Variants in CAMK2D observed in about 807,000 individuals in gnomAD.
CAMK2D encodes calcium/calmodulin dependent protein kinase II delta, also known as calcium/calmodulin-dependent protein kinase type II subunit delta.
A neutral mutation model predicts 84.0 loss-of-function variants in CAMK2D; 37 were observed. That is an observed-to-expected ratio of 0.44 (90% CI 0.34 to 0.58). The LOEUF (loss-of-function observed/expected upper bound fraction) is 0.58, where lower values mean the gene tolerates loss of function less well. CAMK2D is among the 20% of genes least tolerant of loss of function. The probability of loss-of-function intolerance (pLI) is 0.02; values close to 1 mark genes in which losing one functional copy is unlikely to be tolerated. For synonymous variants in CAMK2D, 202 were observed against 212.5 expected, an observed-to-expected ratio of 0.95 and a Z score of 0.43; for missense variants, 448 against 652.5, an observed-to-expected ratio of 0.69 and a Z score of 3.41.
intron 3 of CAMK2D, among the ~76,000 whole-genome samples, chr4:113,624,520 T>C (rs1304471723): frequency 6.6e-6 from 1 of 152,230 alleles, no homozygotes; most frequent in African/African-American, 2.4e-5. Context: ...ACTTTATATA[T>C]ATTAAGTAAC....
intron 17 of CAMK2D, 147 bp downstream of exon 17, chr4:113,465,382 G>A: frequency 1.7e-6 from 1 of 574,316 alleles, no homozygotes; most frequent in Non-Finnish European, 3.0e-6. Context: ...TCTCCTAGGG[G>A]CACTTAGTCA....
intron 8 of CAMK2D, among the ~76,000 whole-genome samples, chr4:113,530,758 T>G (rs2098452635): frequency 6.6e-6 from 1 of 152,144 alleles, no homozygotes; most frequent in Non-Finnish European, 1.5e-5. Flanking sequence ...GGCACCTTGA[T>G]TTTGAATTTC....
At chr4:113,504,281 C>G (rs1421040764) in intron 14 of CAMK2D, among the ~76,000 whole-genome samples, 1 of 152,178 alleles carries the variant, frequency 6.6e-6, no homozygotes, top group African/African-American at 2.4e-5. Flanking sequence ...AATACCATCT[C>G]AAAGTGTTAG....
intron 3 of CAMK2D, among the ~76,000 whole-genome samples, chr4:113,630,883 C>T (rs2099087007): frequency 6.6e-6 from 1 of 152,148 alleles, no homozygotes; most frequent in Admixed American, 6.6e-5. Context: ...TAAGACATAA[C>T]TCAGAGTGTT....
chr4:113,652,294 T>C (rs1439297622), intron 3 of CAMK2D, among the ~76,000 whole-genome samples: 3 of 152,322 alleles, frequency 2.0e-5, no homozygotes, highest in South Asian at 4.1e-4. Flanking sequence ...AACTAATGCA[T>C]GGAAAACACT....
chr4:113,716,649 CAAAAAAA>C (rs397750449), intron 2 of CAMK2D, among the ~76,000 whole-genome samples: 2 of 76,156 alleles, frequency 2.6e-5, no homozygotes, highest in East Asian at 4.1e-4. Flanking sequence ...AGACTCCATC[CAAAAAAA>C]AAAAAAAAAA....
chr4:113,634,042 TAA>T (rs923903249), intron 3 of CAMK2D, among the ~76,000 whole-genome samples: 1 of 152,236 alleles, frequency 6.6e-6, no homozygotes, highest in African/African-American at 2.4e-5. Flanking sequence ...CCTTTGCTTT[TAA>T]AAGACTTTTG....
rs138111061 is a variant in CAMK2D at position 113,582,534 on chromosome 4, G to C, written c.275+26618C>G. ...AAATTCTGAAAAATGTACACCTTAAGTATCCCTCCTTTTACCTTAAAGAAG... is the reference window on the plus strand; with the variant it reads ...AAATTCTGAAAAATGTACACCTTAACTATCCCTCCTTTTACCTTAAAGAAG... On this transcript the variant is annotated intron_variant, in intron 4 of 20. Coordinates refer to ENST00000511664, the MANE Select transcript of CAMK2D (RefSeq NM_001321571.2). Among the ~76,000 whole-genome samples, 1,061 of 151,918 alleles carry C rather than the reference G, an allele frequency of 7.0e-3. 7 individuals are homozygous for C. The highest frequency in any genetic ancestry group is 0.025 in the African/African-American group (1,020 of 41,434).
intron 2 of CAMK2D, among the ~76,000 whole-genome samples, chr4:113,682,370 GTCAC>G (rs1475876915): frequency 2.6e-5 from 4 of 151,792 alleles, no homozygotes; most frequent in South Asian, 2.1e-4. Flanking sequence ...TTATTAAAAA[GTCAC>G]TCAGACTTTT....
intron 2 of CAMK2D, among the ~76,000 whole-genome samples, chr4:113,744,055 T>A (rs1256731953): frequency 6.6e-6 from 1 of 152,060 alleles, no homozygotes; most frequent in East Asian, 1.9e-4. Context: ...GTTAGCCAGA[T>A]GGTCTGGATC....
intron 4 of CAMK2D, among the ~76,000 whole-genome samples, chr4:113,554,679 C>A (rs1591153359): frequency 6.6e-6 from 1 of 152,054 alleles, no homozygotes; most frequent in African/African-American, 2.4e-5. Flanking sequence ...ACTGAATTTT[C>A]TAACTTTAAC....
chr4:113,554,101 C>T (rs1376395888), intron 4 of CAMK2D, among the ~76,000 whole-genome samples: 2 of 151,950 alleles, frequency 1.3e-5, no homozygotes, highest in Admixed American at 6.6e-5. Flanking sequence ...TTATAGGCTC[C>T]TTAAACATGT....
intron 2 of CAMK2D, chr4:113,754,867 G>A: frequency 4.1e-6 from 4 of 983,944 alleles, no homozygotes; most frequent in Non-Finnish European, 4.8e-6. Flanking sequence ...TAACTGAAGA[G>A]TTGTGGAGAT....
At position 113,452,750 on chromosome 4, in the gene CAMK2D, T is replaced by C. The variant is rs2097266228; in HGVS notation, c.*1795A>G. Reference sequence around the variant, plus strand: ...GTAAAAGAAATTAAAAAGAGAAAAATGAGGCCATTATTTTTTCACAGATCT... The same window carrying C: ...GTAAAAGAAATTAAAAAGAGAAAAACGAGGCCATTATTTTTTCACAGATCT... On this transcript the variant is annotated 3_prime_UTR_variant, in exon 21 of 21. Coordinates refer to ENST00000511664, the MANE Select transcript of CAMK2D (RefSeq NM_001321571.2). 1 of 152,154 alleles carries C rather than the reference T, an allele frequency of 6.6e-6. No individual in the cohort carries two copies. Among genetic ancestry groups the C allele is most frequent in the Non-Finnish European group, 1.5e-5 (1 of 67,954 alleles). 9.4% of individuals were successfully genotyped at this position (152,154 alleles called of 1,614,324 possible).
At chr4:113,489,100 C>G (rs977513539) in intron 16 of CAMK2D, among the ~76,000 whole-genome samples, 1 of 151,868 alleles carries the variant, frequency 6.6e-6, no homozygotes, top group Non-Finnish European at 1.5e-5. Flanking sequence ...TGATACAACA[C>G]TTAAAAAATC....
intron 3 of CAMK2D, among the ~76,000 whole-genome samples, chr4:113,660,348 T>C (rs1331145415): frequency 6.6e-6 from 1 of 152,200 alleles, no homozygotes; most frequent in East Asian, 1.9e-4. Flanking sequence ...GAGGGATAAA[T>C]ATTCTAAAGT....
chr4:113,555,261 T>C (rs1405491040), intron 4 of CAMK2D, among the ~76,000 whole-genome samples: 1 of 152,084 alleles, frequency 6.6e-6, no homozygotes, highest in African/African-American at 2.4e-5. Context: ...ACCCAAGGAA[T>C]AGCACTGACT....
chr4:113,609,581 G>A (rs2098991440), intron 3 of CAMK2D, among the ~76,000 whole-genome samples: 1 of 152,092 alleles, frequency 6.6e-6, no homozygotes, highest in African/African-American at 2.4e-5. Flanking sequence ...CCAGGTTCTG[G>A]CAATTCTTTC....
intron 16 of CAMK2D, among the ~76,000 whole-genome samples, chr4:113,478,109 TA>T (rs1181393037): frequency 7.3e-5 from 11 of 151,074 alleles, no homozygotes; most frequent in East Asian, 5.8e-4. Context: ...AATTTTACAT[TA>T]AAAAAAAACT....
Sources: allele counts gnomAD v4.1 joint callset (sites outside exome capture counted in the v4.1 genomes callset), GRCh38; gene constraint gnomAD v4.1.1; transcripts MANE v1.5; gene names NCBI Gene and HGNC (gene_info 2026-07-23, HGNC 2026-07-21).